The following DAB1 variants were observed in gnomAD, a reference collection of about 807,000 sequenced individuals.
DAB1 encodes DAB adaptor protein 1, also known as disabled homolog 1.
A neutral mutation model predicts 64.6 loss-of-function variants in DAB1; 15 were observed. The observed-to-expected ratio is 0.23, with a 90% CI of 0.16 to 0.36. The LOEUF (loss-of-function observed/expected upper bound fraction) is 0.36. DAB1 is among the 10% of genes least tolerant of loss of function. The pLI is 1.00. For synonymous variants in DAB1, 235 were observed against 251.9 expected, an observed-to-expected ratio of 0.93 and a Z score of 0.64; for missense variants, 596 against 706.7, an observed-to-expected ratio of 0.84 and a Z score of 1.78.
At chr1:58,222,486 TATG>T (rs1659229102) in intron 4 of DAB1, among the ~76,000 whole-genome samples, 1 of 152,210 alleles carries the variant, frequency 6.6e-6, no homozygotes, top group Admixed American at 6.5e-5. Flanking sequence ...ACCTGTAAGT[TATG>T]ATGATAATAG....
chr1:57,278,887 T>G (rs1237904673), intron 2 of DAB1, among the ~76,000 whole-genome samples: 1 of 152,196 alleles, frequency 6.6e-6, no homozygotes. Flanking sequence ...CTGAGATTTT[T>G]AAAAAGCAGC....
rs1350745790 is a variant in DAB1, at chr1:57,109,020, G to A, written c.306+27523C>T. 3.3e-5 allele frequency among the ~76,000 whole-genome samples: 5 copies of A among 152,276 alleles called. No individual in the cohort carries two copies. In the East Asian group the frequency reaches 5.8e-4, roughly 18 times the overall value. ...GAATACCGTCCCTAGCTAACTCTGAGTTTTTGGCTTAGTAACTGGGACTTC... is the reference window on the plus strand; with the variant it reads ...GAATACCGTCCCTAGCTAACTCTGAATTTTTGGCTTAGTAACTGGGACTTC... On this transcript the variant is annotated intron_variant, in intron 4 of 14. Coordinates refer to ENST00000371236, the MANE Select transcript of DAB1 (RefSeq NM_001365792.1).
intron 1 of DAB1, among the ~76,000 whole-genome samples, chr1:57,392,813 G>T (rs1682494043): frequency 6.6e-6 from 1 of 152,166 alleles, no homozygotes; most frequent in Non-Finnish European, 1.5e-5. Flanking sequence ...GTGGGACTGG[G>T]AAGATGGAGA....
intron 6 of DAB1, among the ~76,000 whole-genome samples, chr1:57,755,215 C>A (rs1648749518): frequency 6.6e-6 from 1 of 151,986 alleles, no homozygotes; most frequent in African/African-American, 2.4e-5. Flanking sequence ...GTCAATTTGT[C>A]TAAAAATCCC....
At chr1:57,691,036 A>C (rs181045524) in intron 6 of DAB1, among the ~76,000 whole-genome samples, 1 of 152,168 alleles carries the variant, frequency 6.6e-6, no homozygotes, top group Non-Finnish European at 1.5e-5. Context: ...TTATATATTA[A>C]GGTAATTAAT....
chr1:57,650,045 A>C (rs949380737), intron 6 of DAB1, among the ~76,000 whole-genome samples: 1 of 152,244 alleles, frequency 6.6e-6, no homozygotes, highest in Non-Finnish European at 1.5e-5. Flanking sequence ...TCTTGCCTTG[A>C]GATCAGTAAA....
intron 6 of DAB1, among the ~76,000 whole-genome samples, chr1:57,790,407 T>G (rs1376852681): frequency 6.6e-6 from 1 of 152,162 alleles, no homozygotes; most frequent in Non-Finnish European, 1.5e-5. Context: ...TTCCTGAGGC[T>G]TCCCCAGCCC....
At chr1:58,376,642 A>G (rs1199567133) in intron 3 of DAB1, among the ~76,000 whole-genome samples, 3 of 144,392 alleles carry the variant, frequency 2.1e-5, no homozygotes, top group Non-Finnish European at 4.6e-5. Context: ...GTGCTGAAAA[A>G]AATGTATATT....
At chr1:57,420,236 C>T (rs1684797287) in intron 1 of DAB1, among the ~76,000 whole-genome samples, 1 of 151,144 alleles carries the variant, frequency 6.6e-6, no homozygotes, top group African/African-American at 2.4e-5. Flanking sequence ...AATTTTACAC[C>T]CTGGGAGCTA....
intron 2 of DAB1, among the ~76,000 whole-genome samples, chr1:57,257,106 T>C (rs924303673): frequency 1.3e-5 from 2 of 152,194 alleles, no homozygotes; most frequent in Non-Finnish European, 2.9e-5. Context: ...TGCCAAAACC[T>C]TGTTTCCCTA....
intron 5 of DAB1, among the ~76,000 whole-genome samples, chr1:57,900,409 C>T (rs1644456492): frequency 6.6e-6 from 1 of 152,124 alleles, no homozygotes; most frequent in South Asian, 2.1e-4. Flanking sequence ...AAATGAGCTT[C>T]GTTATTAGAG....
chr1:57,157,772 C>CCATAAT (rs768292410), intron 2 of DAB1, among the ~76,000 whole-genome samples: 36 of 152,100 alleles, frequency 2.4e-4, no homozygotes, highest in Non-Finnish European at 4.9e-4. Flanking sequence ...AACATACGAT[C>CCATAAT]CATAATGGGG....
At chr1:58,374,431 T>G (rs1183945948) in intron 3 of DAB1, among the ~76,000 whole-genome samples, 11 of 150,228 alleles carry the variant, frequency 7.3e-5, no homozygotes, top group African/African-American at 9.8e-5. Flanking sequence ...ATTTATTAAA[T>G]AGGGAATCCT....
At chr1:58,291,758 C>T (rs185329199) in intron 4 of DAB1, among the ~76,000 whole-genome samples, 4 of 152,216 alleles carry the variant, frequency 2.6e-5, no homozygotes, top group African/African-American at 7.2e-5. Flanking sequence ...GACATAGAGA[C>T]GTTAACTTCC....
At chr1:58,541,964 T>C (rs17117734) in intron 1 of DAB1, among the ~76,000 whole-genome samples, 4,260 of 152,286 alleles carry the variant, frequency 0.028, 189 homozygotes, top group African/African-American at 0.096. Flanking sequence ...GAAAAAAATA[T>C]GTAAACTTCA....
intron 2 of DAB1, among the ~76,000 whole-genome samples, chr1:57,235,860 T>G (rs919218399): frequency 2.6e-5 from 4 of 152,238 alleles, no homozygotes; most frequent in Admixed American, 2.0e-4. Context: ...CATCCCACCT[T>G]GCTGCAGTCT....
At chr1:57,436,293 G>A (rs1685693525) in intron 7 of DAB1, among the ~76,000 whole-genome samples, 2 of 152,182 alleles carry the variant, frequency 1.3e-5, no homozygotes, top group African/African-American at 4.8e-5. Flanking sequence ...ATGTGAGTAT[G>A]CATTGCAGCA....
At chr1:57,826,008 C>A (rs928547535), downstream of DAB1, 2 of 152,148 alleles carry the variant, frequency 1.3e-5, no homozygotes, top group Non-Finnish European at 2.9e-5. Flanking sequence ...GTGTATCATT[C>A]CGTTGGTGCA....
intron 7 of DAB1, among the ~76,000 whole-genome samples, chr1:57,571,564 C>G (rs1645194473): frequency 6.6e-6 from 1 of 152,260 alleles, no homozygotes; most frequent in South Asian, 2.1e-4. Context: ...TACATTACAT[C>G]CTCTCAAAAA....
Sources: allele counts gnomAD v4.1 joint callset (sites outside exome capture counted in the v4.1 genomes callset), GRCh38; gene constraint gnomAD v4.1.1; transcripts MANE v1.5; gene names NCBI Gene and HGNC (gene_info 2026-07-23, HGNC 2026-07-21).